Variants in TNFRSF21 observed in about 807,000 individuals in gnomAD.
The protein encoded by TNFRSF21 is TNF receptor superfamily member 21, also known as tumor necrosis factor receptor superfamily member 21.
TNFRSF21 carries 19 observed loss-of-function variants against 45.6 expected under a neutral mutation model. That is an observed-to-expected ratio of 0.42 (90% CI 0.29 to 0.61). The LOEUF (loss-of-function observed/expected upper bound fraction) is 0.61, where lower values mean the gene tolerates loss of function less well. Ranked by LOEUF, TNFRSF21 falls within the 20% of genes least tolerant of loss-of-function variation. TNFRSF21 has a pLI of 0.23. For missense variants in TNFRSF21, 737 were observed against 851.5 expected (o/e 0.87, Z 1.67); for synonymous variants, 314 against 335.5 (o/e 0.94, Z 0.70).
intron 1 of TNFRSF21, among the ~76,000 whole-genome samples, chr6:47,291,155 CAA>C (rs1316749680): frequency 6.6e-6 from 1 of 152,160 alleles, no homozygotes; most frequent in Non-Finnish European, 1.5e-5. Context: ...AACACCAGAT[CAA>C]AAGTGTGAAG....
At chr6:47,276,002 G>C (rs921618070) in intron 3 of TNFRSF21, among the ~76,000 whole-genome samples, 3 of 152,130 alleles carry the variant, frequency 2.0e-5, no homozygotes, top group Non-Finnish European at 4.4e-5. Flanking sequence ...TTGTCACACT[G>C]ATCAAAATCT....
chr6:47,246,343 G>GC (rs1465405606), intron 4 of TNFRSF21, among the ~76,000 whole-genome samples: 3 of 152,158 alleles, frequency 2.0e-5, no homozygotes, highest in Non-Finnish European at 4.4e-5. Context: ...GATTTACTGA[G>GC]CCCCCTGCTC....
intron 4 of TNFRSF21, 135 bp downstream of exon 4, chr6:47,253,119 TGC>T: frequency 1.9e-6 from 2 of 1,030,368 alleles, no homozygotes; most frequent in Non-Finnish European, 2.8e-6. Context: ...TGTGTGTGTG[TGC>T]AGGCGTATGC....
At chr6:47,305,245 C>T (rs946922480) in intron 1 of TNFRSF21, among the ~76,000 whole-genome samples, 3 of 152,188 alleles carry the variant, frequency 2.0e-5, no homozygotes, top group African/African-American at 7.2e-5. Context: ...AATCCCAATT[C>T]ATCCCTGGGT....
At position 47,234,747 on chromosome 6, in the gene TNFRSF21, G is replaced by A. The variant is rs781024421; in HGVS notation, c.1661C>T (p.Ser554Leu). 6.2e-7 allele frequency: 1 copy of A among 1,610,594 alleles called. No homozygotes were observed. Among genetic ancestry groups the A allele is most frequent in the South Asian group, 1.1e-5 (1 of 90,350 alleles). ...DKNKGFFVDE[S>L]EPLLRCDSTS... ...AGAGTCACAGCGGAGAAGGGGCTCCGACTCATCCACGAAGAAGCCCTTGTT... is the reference window on the plus strand; with the variant it reads ...AGAGTCACAGCGGAGAAGGGGCTCCAACTCATCCACGAAGAAGCCCTTGTT... The change falls in exon 5 of 6, where the codon TCG (serine) becomes TTG (leucine). Residue 554 changes from serine (S) to leucine (L), a missense_variant. Transcript: ENST00000296861.
chr6:47,274,098 C>T (rs1762463257), intron 3 of TNFRSF21, among the ~76,000 whole-genome samples: 1 of 152,168 alleles, frequency 6.6e-6, no homozygotes, highest in African/African-American at 2.4e-5. Flanking sequence ...CCCCATCAAG[C>T]TACCAATGAT....
intron 3 of TNFRSF21, among the ~76,000 whole-genome samples, chr6:47,269,401 T>C (rs1368964732): frequency 1.3e-5 from 2 of 152,176 alleles, no homozygotes; most frequent in Non-Finnish European, 2.9e-5. Context: ...ATATATATAA[T>C]TAAATAAAAA....
At chr6:47,256,791 A>C (rs1561941720) in intron 3 of TNFRSF21, among the ~76,000 whole-genome samples, 1 of 152,166 alleles carries the variant, frequency 6.6e-6, no homozygotes, top group Non-Finnish European at 1.5e-5. Context: ...CCAAACACCA[A>C]AAGTCTTGTT....
intron 4 of TNFRSF21, among the ~76,000 whole-genome samples, chr6:47,250,835 A>T (rs1764891718): frequency 6.6e-6 from 1 of 152,270 alleles, no homozygotes; most frequent in African/African-American, 2.4e-5. Flanking sequence ...CCACTTGAGC[A>T]TCCCTAATCC....
At chr6:47,271,857 G>C (rs550769566) in intron 3 of TNFRSF21, among the ~76,000 whole-genome samples, 3 of 152,064 alleles carry the variant, frequency 2.0e-5, no homozygotes, top group Non-Finnish European at 4.4e-5. Flanking sequence ...AAAAGTAGGG[G>C]TTGCAATCCT....
intron 3 of TNFRSF21, among the ~76,000 whole-genome samples, chr6:47,282,500 A>G (rs1477795450): frequency 6.6e-6 from 1 of 152,180 alleles, no homozygotes; most frequent in Admixed American, 6.5e-5. Context: ...ACACAAATCA[A>G]TAAGGGGAAG....
In TNFRSF21 at chr6:47,234,788, A is replaced by T; in HGVS notation, c.1620T>A (p.Pro540=). The T allele has an allele frequency of 1.2e-5, 19 of 1,597,480 alleles. No homozygotes were observed. The highest frequency in any genetic ancestry group is 1.5e-5 in the Non-Finnish European group (18 of 1,173,956). ...AGCCCTTGTTCTTGTCCTGTGGGGAAGGCTCCACCGTCAGGAGAGCGGAAT... is the reference window on the plus strand; with the variant it reads ...AGCCCTTGTTCTTGTCCTGTGGGGATGGCTCCACCGTCAGGAGAGCGGAAT... ...LENSALLTVE[P]SPQDKNKGFF... The change falls in exon 5 of 6, where the codon CCT becomes CCA. Residue 540 remains proline (P), a synonymous_variant. Transcript: ENST00000296861.
At chr6:47,303,649 G>T (rs1053411941) in intron 1 of TNFRSF21, among the ~76,000 whole-genome samples, 1 of 152,160 alleles carries the variant, frequency 6.6e-6, no homozygotes, top group Admixed American at 6.5e-5. Context: ...CCTCAGTCCT[G>T]CCTGTACTCA....
At chr6:47,254,467 A>G (rs1273199781) in intron 3 of TNFRSF21, among the ~76,000 whole-genome samples, 1 of 152,260 alleles carries the variant, frequency 6.6e-6, no homozygotes, top group Non-Finnish European at 1.5e-5. Context: ...CTACTGTACT[A>G]AATACAATAG....
At chr6:47,301,220 C>T (rs996530707) in intron 1 of TNFRSF21, among the ~76,000 whole-genome samples, 3 of 152,194 alleles carry the variant, frequency 2.0e-5, no homozygotes, top group Non-Finnish European at 4.4e-5. Flanking sequence ...AAATCAAGAT[C>T]CTTCTGAAAC....
chr6:47,296,719 G>C (rs1164943985), intron 1 of TNFRSF21, among the ~76,000 whole-genome samples: 2 of 152,250 alleles, frequency 1.3e-5, no homozygotes, highest in African/African-American at 2.4e-5. Flanking sequence ...AACACCTGGA[G>C]ATTCCTGGAG....
chr6:47,284,105 A>G lies in TNFRSF21; in HGVS notation c.1076T>C (p.Leu359Pro). ...HLPWMIVLFLLLVLVVIVVCS... is the reference protein window; with the variant it reads ...HLPWMIVLFLPLVLVVIVVCS... ...CACCACAATCACCACAAGCACCAGC[A>G]GCAGGAAAAGCACAATCATCCAGGG... The change falls in exon 3 of 6, where the codon CTG becomes CCG. Residue 359 changes from leucine to proline, a missense_variant. Transcript: ENST00000296861. 1.9e-6 allele frequency: 3 copies of G among 1,614,240 alleles called. No individual in the cohort carries two copies. In the South Asian group the frequency reaches 3.3e-5, roughly 18 times the overall value.
At chr6:47,244,994 A>C (rs372167219) in intron 4 of TNFRSF21, among the ~76,000 whole-genome samples, 13 of 152,326 alleles carry the variant, frequency 8.5e-5, no homozygotes, top group African/African-American at 3.1e-4. Context: ...AAAAAGTGAA[A>C]ATGTGCTCTC....
chr6:47,268,763 C>G (rs1304884672), intron 3 of TNFRSF21, among the ~76,000 whole-genome samples: 1 of 152,182 alleles, frequency 6.6e-6, no homozygotes, highest in Non-Finnish European at 1.5e-5. Flanking sequence ...CAGGGAGAGA[C>G]AGCAGGTCAG....
Sources: allele counts gnomAD v4.1 joint callset (sites outside exome capture counted in the v4.1 genomes callset), GRCh38; gene constraint gnomAD v4.1.1; transcripts MANE v1.5; gene names NCBI Gene and HGNC (gene_info 2026-07-23, HGNC 2026-07-21).